TRPM3: variants seen among roughly 807,000 people sequenced by gnomAD.
TRPM3 encodes transient receptor potential cation channel subfamily M member 3.
TRPM3 carries 77 observed loss-of-function variants against 181.2 expected under a neutral mutation model. The observed-to-expected ratio is 0.42, with a 90% confidence interval of 0.35 to 0.51. The LOEUF (loss-of-function observed/expected upper bound fraction) is 0.51, where lower values mean the gene tolerates loss of function less well. Ranked by LOEUF, TRPM3 falls within the 20% of genes least tolerant of loss-of-function variation. TRPM3 has a pLI of 0.01. For missense variants in TRPM3, 1,759 were observed against 2,196.7 expected, an observed-to-expected ratio of 0.80 and a Z score of 3.98; for synonymous variants, 745 against 796.4, an observed-to-expected ratio of 0.94 and a Z score of 1.09.
intron 1 of TRPM3, among the ~76,000 whole-genome samples, chr9:71,022,461 G>C (rs10116649): frequency 1.3e-5 from 2 of 152,268 alleles, no homozygotes; most frequent in Non-Finnish European, 2.9e-5. Context: ...TTGGGAGGCT[G>C]AGGTGGAAGG....
chr9:71,400,082 A>G (rs2093307130), intron 1 of TRPM3, among the ~76,000 whole-genome samples: 1 of 152,188 alleles, frequency 6.6e-6, no homozygotes, highest in Non-Finnish European at 1.5e-5. Flanking sequence ...ACTAAGTCAG[A>G]GTCCTGCTCA....
At chr9:71,235,747 T>TCAAA (rs1283469512) in intron 1 of TRPM3, among the ~76,000 whole-genome samples, 1 of 152,190 alleles carries the variant, frequency 6.6e-6, no homozygotes, top group African/African-American at 2.4e-5. Context: ...TACTGCAAAG[T>TCAAA]CAAACACACA....
intron 1 of TRPM3, among the ~76,000 whole-genome samples, chr9:71,033,738 T>C (rs564234720): frequency 6.6e-6 from 1 of 152,328 alleles, no homozygotes; most frequent in East Asian, 1.9e-4. Flanking sequence ...TGGTTTGTTG[T>C]ACATTTCTAT....
At chr9:70,843,723 T>C (rs762818908) in intron 4 of TRPM3, among the ~76,000 whole-genome samples, 10 of 152,204 alleles carry the variant, frequency 6.6e-5, no homozygotes, top group Non-Finnish European at 1.5e-4. Context: ...TAAAATGACC[T>C]TCCCCATCAT....
intron 1 of TRPM3, among the ~76,000 whole-genome samples, chr9:70,915,551 C>T (rs1011986425): frequency 9.2e-5 from 14 of 151,646 alleles, no homozygotes; most frequent in South Asian, 6.3e-4. Context: ...GTGATCTGCC[C>T]GCCTTGGCCT....
intron 1 of TRPM3, among the ~76,000 whole-genome samples, chr9:71,178,812 T>C (rs577296739): frequency 6.6e-5 from 10 of 152,250 alleles, no homozygotes; most frequent in South Asian, 2.1e-4. Flanking sequence ...TTCAAAGTCA[T>C]GAGCTCGCTG....
chr9:71,007,027 GA>G (rs1374119515), intron 1 of TRPM3, among the ~76,000 whole-genome samples: 1 of 59,238 alleles, frequency 1.7e-5, no homozygotes, highest in Non-Finnish European at 3.1e-5. Context: ...CAACAAGAGC[GA>G]AACTCCATCT....
chr9:70,898,002 C>T (rs2096306791), intron 1 of TRPM3, among the ~76,000 whole-genome samples: 1 of 152,124 alleles, frequency 6.6e-6, no homozygotes. Flanking sequence ...CTCTGCAGAT[C>T]CTCTTGCTTG....
Position 71,084,705 on chromosome 9 carries a change from G to A in TRPM3, c.177+36473C>T, listed in dbSNP as rs182145238. 6.2e-4 allele frequency among the ~76,000 whole-genome samples: 94 copies of A among 151,966 alleles called. 1 individual carries two copies. The highest frequency in any genetic ancestry group is 1.4e-3 in the African/African-American group (60 of 41,488). ...TTAAAATGGCCATGCTGCTTAAAGC[G>A]ATCTACAGATTAAACACTATTCCTA... is the stretch of plus-strand genomic sequence containing the variant. On this transcript the variant is annotated intron_variant, in intron 1 of 25. Transcript: ENST00000677713.
chr9:70,848,394 AAG>A (rs2095071755), intron 3 of TRPM3, among the ~76,000 whole-genome samples: 1 of 152,182 alleles, frequency 6.6e-6, no homozygotes, highest in Non-Finnish European at 1.5e-5. Flanking sequence ...GTAGAAGTAA[AAG>A]AGATGATGGG....
chr9:70,831,957 CCATAAATATATATATATATATATAT>C (rs1453049535), intron 5 of TRPM3, among the ~76,000 whole-genome samples: 2 of 46,612 alleles, frequency 4.3e-5, no homozygotes, highest in Admixed American at 3.0e-4. Context: ...TTTATGTACC[CCATAAATATATATATATATATATAT>C]ATATATATAT....
chr9:70,914,687 C>T (rs1181481021), intron 1 of TRPM3, among the ~76,000 whole-genome samples: 1 of 152,174 alleles, frequency 6.6e-6, no homozygotes, highest in Non-Finnish European at 1.5e-5. Context: ...CAGCACAGTC[C>T]TAGTGCTGGT....
chr9:70,548,740 G>A (rs2045707693), intron 25 of TRPM3, among the ~76,000 whole-genome samples: 1 of 152,160 alleles, frequency 6.6e-6, no homozygotes, highest in African/African-American at 2.4e-5. Context: ...CTGGAATGAA[G>A]TTTCTATTAG....
At chr9:70,672,022 G>A (rs1239035815) in intron 9 of TRPM3, among the ~76,000 whole-genome samples, 5 of 151,276 alleles carry the variant, frequency 3.3e-5, no homozygotes, top group Admixed American at 3.3e-4. Context: ...TGCCTGCCTC[G>A]GCCTCCCAAA....
intron 3 of TRPM3, among the ~76,000 whole-genome samples, chr9:70,861,581 G>A (rs10511988): frequency 0.2 from 29,719 of 152,102 alleles, 3,023 homozygotes; most frequent in East Asian, 0.27. Flanking sequence ...CAACTCGCAT[G>A]ACTTTTAACA....
At chr9:71,257,256 C>G (rs2082729478) in intron 1 of TRPM3, among the ~76,000 whole-genome samples, 3 of 151,990 alleles carry the variant, frequency 2.0e-5, no homozygotes, top group African/African-American at 7.2e-5. Flanking sequence ...GGGATGGGCT[C>G]TTAGATAAAG....
At chr9:71,408,576 C>T (rs1447475673) in intron 1 of TRPM3, among the ~76,000 whole-genome samples, 1 of 152,126 alleles carries the variant, frequency 6.6e-6, no homozygotes, top group Non-Finnish European at 1.5e-5. Flanking sequence ...AAGAAATGAA[C>T]AAAGCCTCCA....
chr9:71,344,599 C>T lies in TRPM3; in HGVS notation c.183+102054G>A, dbSNP rs116013668. On this transcript the variant is annotated intron_variant, in intron 1 of 24. Transcript: ENST00000357533. Reference sequence around the variant, plus strand: ...TTGCTAGGAAAAAATAATAGCAATACAGTGGACGAACATAAAAGCTAAGAC... The same window carrying T: ...TTGCTAGGAAAAAATAATAGCAATATAGTGGACGAACATAAAAGCTAAGAC... 5.6e-3 allele frequency among the ~76,000 whole-genome samples: 848 copies of T among 152,230 alleles called. 11 individuals are homozygous for T. Among genetic ancestry groups the T allele is most frequent in the African/African-American group, 0.02 (818 of 41,552 alleles).
intron 1 of TRPM3, among the ~76,000 whole-genome samples, chr9:71,020,304 A>AAAAAAT (rs1217778036): frequency 6.6e-6 from 1 of 151,968 alleles, no homozygotes. Context: ...CTGTCTCTAC[A>AAAAAAT]AAAAATAAAA....
Sources: gnomAD v4.1 joint callset for allele counts (sites outside exome capture counted in the v4.1 genomes callset) on GRCh38, gnomAD v4.1.1 for gene constraint, MANE v1.5 for transcripts, NCBI Gene and HGNC (gene_info 2026-07-23, HGNC 2026-07-21) for gene names.